Variants in NEBL observed in about 807,000 individuals in gnomAD.
NEBL encodes LIM and SH3 protein 2.
In NEBL, 122 loss-of-function variants were observed where a neutral mutation model predicts 140.2. The ratio of observed to expected loss-of-function variants is 0.87; its 90% CI spans 0.75 to 1.01. NEBL has a LOEUF of 1.01. Ranked by LOEUF, NEBL falls within the 50% of genes least tolerant of loss-of-function variation. NEBL has a pLI of 0.00. For synonymous variants in NEBL, 436 were observed against 398.9 expected, an observed-to-expected ratio of 1.09 and a Z score of -1.11; for missense variants, 1,365 against 1,231.3, an observed-to-expected ratio of 1.11 and a Z score of -1.62.
rs902498099 is a variant in NEBL, at chr10:21,127,228, T to C, written c.164+45155A>G. ...ATCAATAACAGAAAATAATGACAAA[T>C]GGATCTTGCTTTTTCTTTTCAAACT... On this transcript the variant is annotated intron_variant, in intron 2 of 6. Coordinates refer to the NEBL transcript ENST00000417816. 1.3e-5 allele frequency among the ~76,000 whole-genome samples: 2 copies of C among 152,058 alleles called. 1 individual carries two copies.
chr10:21,132,395 C>T (rs907156761), intron 2 of NEBL, among the ~76,000 whole-genome samples: 1 of 152,088 alleles, frequency 6.6e-6, no homozygotes, highest in African/African-American at 2.4e-5. Flanking sequence ...AATTAGTGGA[C>T]ATTTGGGTTG....
intron 19 of NEBL, among the ~76,000 whole-genome samples, chr10:20,822,590 A>G (rs1332254581): frequency 1.3e-5 from 2 of 151,384 alleles, no homozygotes; most frequent in Non-Finnish European, 2.9e-5. Context: ...AGACTATCTA[A>G]TATAGACTAT....
At chr10:21,272,263 CA>C (rs1306067311) in intron 1 of NEBL, among the ~76,000 whole-genome samples, 1 of 151,542 alleles carries the variant, frequency 6.6e-6, no homozygotes, top group Non-Finnish European at 1.5e-5. Flanking sequence ...CCGCACCCGG[CA>C]AATATAAAAA....
At chr10:20,994,193 A>T (rs1268627277) in intron 3 of NEBL, among the ~76,000 whole-genome samples, 3 of 152,350 alleles carry the variant, frequency 2.0e-5, no homozygotes, top group Admixed American at 2.0e-4. Flanking sequence ...ACCTGAAAGG[A>T]ATATACCTTT....
At chr10:20,945,617 T>A (rs181296823) in intron 4 of NEBL, among the ~76,000 whole-genome samples, 1 of 152,292 alleles carries the variant, frequency 6.6e-6, no homozygotes, top group East Asian at 1.9e-4. Flanking sequence ...GAAAGTCTGG[T>A]TCCCAGTGTT....
chr10:21,009,296 G>T (rs184004974), intron 3 of NEBL, among the ~76,000 whole-genome samples: 51 of 152,268 alleles, frequency 3.3e-4, no homozygotes, highest in Non-Finnish European at 4.7e-4. Context: ...TAGTTGTGTG[G>T]TGTCTAAAAT....
At chr10:20,853,535 T>G (rs1282525384) in intron 9 of NEBL, among the ~76,000 whole-genome samples, 1 of 152,196 alleles carries the variant, frequency 6.6e-6, no homozygotes, top group African/African-American at 2.4e-5. Context: ...GAGGTCATTA[T>G]GTTAAGTGAA....
intron 3 of NEBL, among the ~76,000 whole-genome samples, chr10:20,980,785 T>A (rs114008159): frequency 1.5e-3 from 225 of 152,360 alleles, no homozygotes; most frequent in African/African-American, 5.2e-3. Flanking sequence ...AAAGTGAGAC[T>A]GATTTTCTTT....
At chr10:21,124,028 C>A (rs959350848) in intron 2 of NEBL, among the ~76,000 whole-genome samples, 3 of 151,772 alleles carry the variant, frequency 2.0e-5, no homozygotes, top group African/African-American at 7.3e-5. Flanking sequence ...AGAAGGTAGA[C>A]AATATTTGTA....
At chr10:21,076,580 G>T (rs965413472) in intron 2 of NEBL, among the ~76,000 whole-genome samples, 1 of 150,964 alleles carries the variant, frequency 6.6e-6, no homozygotes, top group African/African-American at 2.4e-5. Context: ...TAGCAGCGTT[G>T]ACCACAACAG....
intron 7 of NEBL, among the ~76,000 whole-genome samples, chr10:20,864,451 C>T (rs1326792692): frequency 1.3e-5 from 2 of 152,088 alleles, no homozygotes; most frequent in East Asian, 1.9e-4. Context: ...GTATGTGTTC[C>T]CACTACCTTT....
chr10:21,001,006 G>T (rs1032369109), intron 3 of NEBL, among the ~76,000 whole-genome samples: 1 of 152,088 alleles, frequency 6.6e-6, no homozygotes, highest in Non-Finnish European at 1.5e-5. Flanking sequence ...TCAGGAATTC[G>T]CTCCTGCACA....
intron 2 of NEBL, among the ~76,000 whole-genome samples, chr10:21,248,700 A>G (rs1588561438): frequency 6.6e-6 from 1 of 152,168 alleles, no homozygotes; most frequent in East Asian, 1.9e-4. Flanking sequence ...GAGTTGTTGA[A>G]TCCTATGGTG....
chr10:21,133,969 G>A (rs999132726), intron 2 of NEBL, among the ~76,000 whole-genome samples: 2 of 152,218 alleles, frequency 1.3e-5, no homozygotes, highest in Non-Finnish European at 2.9e-5. Context: ...ACTTACGCCT[G>A]TAATCCCAGC....
chr10:20,809,965 AAGCCAGTACCC>A, intron 24 of NEBL, 67 bp from the exon 25 acceptor site: 6 of 1,188,336 alleles, frequency 5.0e-6, no homozygotes, highest in South Asian at 1.3e-5. Context: ...AAAAAAAAAA[AAGCCAGTACCC>A]AAAAGAGTCA....
intron 3 of NEBL, among the ~76,000 whole-genome samples, chr10:20,995,807 A>C (rs752188823): frequency 1.3e-5 from 2 of 152,074 alleles, no homozygotes; most frequent in Non-Finnish European, 2.9e-5. Flanking sequence ...CTCGGCTTGA[A>C]AATAATTATT....
intron 3 of NEBL, among the ~76,000 whole-genome samples, chr10:21,005,212 G>A (rs1838086303): frequency 6.6e-6 from 1 of 152,080 alleles, no homozygotes; most frequent in Non-Finnish European, 1.5e-5. Context: ...GGAGCACAAG[G>A]CCTAGTATAT....
chr10:20,958,226 C>T (rs1429602655), intron 4 of NEBL, among the ~76,000 whole-genome samples: 1 of 151,992 alleles, frequency 6.6e-6, no homozygotes, highest in African/African-American at 2.4e-5. Context: ...GGACACTGTC[C>T]CTTAAGAATA....
At chr10:20,866,919 G>T (rs952787877) in intron 7 of NEBL, among the ~76,000 whole-genome samples, 1 of 151,892 alleles carries the variant, frequency 6.6e-6, no homozygotes, top group Non-Finnish European at 1.5e-5. Context: ...TTCATTCATG[G>T]TAAGAACAAC....
Sources: gnomAD v4.1 joint callset for allele counts (sites outside exome capture counted in the v4.1 genomes callset) on GRCh38, gnomAD v4.1.1 for gene constraint, MANE v1.5 for transcripts, NCBI Gene and HGNC (gene_info 2026-07-23, HGNC 2026-07-21) for gene names.